MAPKAP1: variants seen among roughly 807,000 people sequenced by gnomAD.
The protein encoded by MAPKAP1 is MAPK associated protein 1.
Under a neutral mutation model 65.7 loss-of-function variants are expected in MAPKAP1, and 20 were observed. The ratio of observed to expected loss-of-function variants is 0.30; its 90% CI spans 0.21 to 0.44. The LOEUF is 0.44. Among genes scored for constraint, MAPKAP1 ranks in the 20% least tolerant of loss-of-function variants. The probability of loss-of-function intolerance (pLI) is 1.00; values close to 1 mark genes in which losing one functional copy is unlikely to be tolerated. For synonymous variants in MAPKAP1, 222 were observed against 244.3 expected (o/e 0.91, Z 0.85); for missense variants, 423 against 648.0 (o/e 0.65, Z 3.77).
intron 4 of MAPKAP1, among the ~76,000 whole-genome samples, chr9:125,590,614 C>A (rs974224589): frequency 1.3e-5 from 2 of 151,670 alleles, no homozygotes; most frequent in African/African-American, 4.8e-5. Flanking sequence ...GGCGCCACTG[C>A]ACTCCAGCCC....
At chr9:125,641,697 G>C (rs563892200) in intron 4 of MAPKAP1, among the ~76,000 whole-genome samples, 1 of 150,766 alleles carries the variant, frequency 6.6e-6, no homozygotes, top group Admixed American at 6.6e-5. Flanking sequence ...CTTGAGGCCA[G>C]GAGTTCAAGA....
At chr9:125,599,019 T>A (rs527625475) in intron 4 of MAPKAP1, among the ~76,000 whole-genome samples, 14 of 145,360 alleles carry the variant, frequency 9.6e-5, no homozygotes, top group Non-Finnish European at 1.6e-4. Context: ...GTGACAAGAA[T>A]GAAACTCCGT....
intron 4 of MAPKAP1, among the ~76,000 whole-genome samples, chr9:125,641,991 C>CA (rs920226973): frequency 6.6e-6 from 1 of 152,078 alleles, no homozygotes; most frequent in African/African-American, 2.4e-5. Flanking sequence ...AAGATCATGC[C>CA]ACTGCACTCC....
intron 9 of MAPKAP1, among the ~76,000 whole-genome samples, chr9:125,474,370 A>G (rs1011090826): frequency 6.6e-6 from 1 of 152,176 alleles, no homozygotes; most frequent in Admixed American, 6.5e-5. Context: ...TGGAATGTGG[A>G]AACTTTTGTG....
In MAPKAP1 at chr9:125,668,140, T is replaced by C. The variant is rs150505470; in HGVS notation, c.349+1678A>G. On this transcript the variant is annotated intron_variant, in intron 3 of 11. Coordinates refer to ENST00000265960, the MANE Select transcript of MAPKAP1 (RefSeq NM_001006617.3). ...ATCATACCTGCTAAGGATACTTGAG[T>C]TTATAACCATAGTATGAGAAATCAA... is the stretch of plus-strand genomic sequence containing the variant. 1.3e-3 allele frequency among the ~76,000 whole-genome samples: 194 copies of C among 152,308 alleles called. 1 individual carries two copies. The highest frequency in any genetic ancestry group is 4.5e-3 in the African/African-American group (187 of 41,570).
chr9:125,698,298 T>TATATA (rs1564622397), intron 1 of MAPKAP1, among the ~76,000 whole-genome samples: 1 of 12,846 alleles, frequency 7.8e-5, no homozygotes, highest in African/African-American at 3.1e-4. Flanking sequence ...AATATATATA[T>TATATA]ATATATATAT....
At chr9:125,484,306 A>G in intron 9 of MAPKAP1, 137 bp downstream of exon 9, 1 of 892,672 alleles carries the variant, frequency 1.1e-6, no homozygotes, top group Non-Finnish European at 1.6e-6. Context: ...TTCAAATTCC[A>G]TTGTTTAAAC....
Position 125,585,640 on chromosome 9 carries a change from C to G in MAPKAP1, c.586G>C (p.Val196Leu). 1 of 1,614,218 alleles carries G rather than the reference C, an allele frequency of 6.2e-7. No individual in the cohort carries two copies. Among genetic ancestry groups the G allele is most frequent in the Non-Finnish European group, 8.5e-7 (1 of 1,180,048 alleles). The change falls in exon 5 of 12, where the codon GTG becomes CTG. Residue 196 changes from valine (V) to leucine (L), a missense_variant. Physicochemically the swap from Val to Leu is conservative, Grantham distance 32. Transcript: ENST00000265960. ...SQDRLLPMTV[V>L]TMASARVQDL... ...TGCACCCTGGCGCTGGCCATTGTCA[C>G]CACGGTCATTGGCAGCAGTCTGTCC...
chr9:125,582,015 T>G (rs1831641058), intron 5 of MAPKAP1, among the ~76,000 whole-genome samples: 1 of 152,168 alleles, frequency 6.6e-6, no homozygotes, highest in African/African-American at 2.4e-5. Flanking sequence ...GAATCTTTCC[T>G]TCATGTCTCT....
intron 1 of MAPKAP1, among the ~76,000 whole-genome samples, chr9:125,683,475 A>T (rs1458901522): frequency 6.6e-6 from 1 of 152,188 alleles, no homozygotes; most frequent in Non-Finnish European, 1.5e-5. Context: ...TATGTTATGG[A>T]ACTACACATG....
chr9:125,566,535 A>C (rs1188690452), intron 5 of MAPKAP1, among the ~76,000 whole-genome samples: 1 of 152,020 alleles, frequency 6.6e-6, no homozygotes, highest in Non-Finnish European at 1.5e-5. Context: ...CTGCAGCAGC[A>C]TGGGCAACAG....
intron 4 of MAPKAP1, among the ~76,000 whole-genome samples, chr9:125,630,853 G>T (rs780663748): frequency 2.6e-5 from 4 of 152,112 alleles, no homozygotes; most frequent in Non-Finnish European, 5.9e-5. Flanking sequence ...TTATTAAAAA[G>T]AGGTTGGGTT....
intron 4 of MAPKAP1, chr9:125,596,224 C>T: frequency 5.2e-6 from 4 of 765,922 alleles, no homozygotes; most frequent in Non-Finnish European, 9.5e-6. Context: ...CAAGAGATGG[C>T]TAATACTTCA....
rs186851584 is a variant in MAPKAP1 at position 125,683,184 on chromosome 9, C to G, written c.-69-10541G>C. Among the ~76,000 whole-genome samples, 303 of 152,166 alleles carry G rather than the reference C, an allele frequency of 2.0e-3. 1 individual carries two copies. Among genetic ancestry groups the G allele is most frequent in the African/African-American group, 6.9e-3 (288 of 41,530 alleles). ...TGTTGGGCAGGCTGGTCTCAAACTC[C>G]TGACCTCAGGCGATCCACCCACCTC... On this transcript the variant is annotated intron_variant, in intron 1 of 11. Transcript: ENST00000265960.
chr9:125,631,593 A>C (rs1228989532), intron 4 of MAPKAP1, among the ~76,000 whole-genome samples: 1 of 152,174 alleles, frequency 6.6e-6, no homozygotes, highest in Non-Finnish European at 1.5e-5. Context: ...ACTTTTGCTA[A>C]CCACAGCCAT....
intron 10 of MAPKAP1, among the ~76,000 whole-genome samples, chr9:125,458,563 C>A (rs1267229994): frequency 6.6e-6 from 1 of 151,988 alleles, no homozygotes; most frequent in Non-Finnish European, 1.5e-5. Flanking sequence ...GATCCCAAGG[C>A]AGAAGAATCT....
intron 6 of MAPKAP1, among the ~76,000 whole-genome samples, chr9:125,545,268 A>G (rs916409631): frequency 1.1e-4 from 17 of 152,266 alleles, no homozygotes; most frequent in African/African-American, 4.1e-4. Context: ...GGAGCGATGC[A>G]GTAAGTGATA....
chr9:125,525,922 G>C (rs990298662), intron 7 of MAPKAP1, among the ~76,000 whole-genome samples: 1 of 152,112 alleles, frequency 6.6e-6, no homozygotes, highest in African/African-American at 2.4e-5. Context: ...CTTCTGATCC[G>C]CAACAGCCAC....
chr9:125,563,702 G>GTATTAT (rs113809428), intron 5 of MAPKAP1, among the ~76,000 whole-genome samples: 2,446 of 112,398 alleles, frequency 0.022, 21 homozygotes, highest in South Asian at 0.057. Context: ...AAAGCAAAGG[G>GTATTAT]TATTATTATT....
Sources: gnomAD v4.1 joint callset for allele counts (sites outside exome capture counted in the v4.1 genomes callset) on GRCh38, gnomAD v4.1.1 for gene constraint, MANE v1.5 for transcripts, NCBI Gene and HGNC (gene_info 2026-07-23, HGNC 2026-07-21) for gene names.